The following PAN3 variants were observed in gnomAD, a reference collection of about 807,000 sequenced individuals.
PAN3 encodes poly(A) specific ribonuclease subunit PAN3.
Under a neutral mutation model 96.2 loss-of-function variants are expected in PAN3, and 19 were observed. That is an observed-to-expected ratio of 0.20 (90% CI 0.14 to 0.29). The LOEUF (loss-of-function observed/expected upper bound fraction) is 0.29. Ranked by LOEUF, PAN3 falls within the 10% of genes least tolerant of loss-of-function variation. The pLI is 1.00. For missense variants in PAN3, 882 were observed against 1,108.1 expected, an observed-to-expected ratio of 0.80 and a Z score of 2.90; for synonymous variants, 433 against 406.6, an observed-to-expected ratio of 1.06 and a Z score of -0.78.
chr13:28,192,153 TC>T (rs1877365585), intron 4 of PAN3, among the ~76,000 whole-genome samples: 1 of 150,402 alleles, frequency 6.6e-6, no homozygotes, highest in African/African-American at 2.4e-5. Context: ...CACTGCAGCC[TC>T]CGCCTCCTGG....
At chr13:28,202,014 A>G (rs1426326918) in intron 5 of PAN3, among the ~76,000 whole-genome samples, 1 of 152,056 alleles carries the variant, frequency 6.6e-6, no homozygotes, top group Non-Finnish European at 1.5e-5. Context: ...TCTGAGACTA[A>G]ATATTCCTTC....
chr13:28,138,427 G>C (rs962308816), upstream of PAN3: 17 of 291,994 alleles, frequency 5.8e-5, 1 homozygote, highest in Admixed American at 8.7e-4. Context: ...GAGAACGAGA[G>C]AGTGAGTGAG....
intron 8 of PAN3, 48 bp downstream of exon 8, chr13:28,260,599 T>C: frequency 1.4e-6 from 2 of 1,408,400 alleles, no homozygotes; most frequent in Non-Finnish European, 2.0e-6. Flanking sequence ...CTCCTGTGCT[T>C]TAGTGAACAG....
chr13:28,191,640 C>CTT (rs1877271639), intron 4 of PAN3, among the ~76,000 whole-genome samples: 1 of 152,164 alleles, frequency 6.6e-6, no homozygotes, highest in Non-Finnish European at 1.5e-5. Context: ...CACTTTTACT[C>CTT]CCTCTTCCCC....
intron 5 of PAN3, among the ~76,000 whole-genome samples, chr13:28,213,560 T>TA (rs1368891998): frequency 6.6e-6 from 1 of 152,144 alleles, no homozygotes; most frequent in African/African-American, 2.4e-5. Flanking sequence ...GTGGGCAGTT[T>TA]AGCTAAAATT....
At chr13:28,250,392 A>C (rs2138554166) in intron 6 of PAN3, among the ~76,000 whole-genome samples, 1 of 151,800 alleles carries the variant, frequency 6.6e-6, no homozygotes, top group African/African-American at 2.4e-5. Flanking sequence ...TTTGAGACGG[A>C]GTTTCACTCT....
intron 6 of PAN3, among the ~76,000 whole-genome samples, chr13:28,243,245 A>G (rs1883850573): frequency 6.6e-6 from 1 of 152,156 alleles, no homozygotes; most frequent in South Asian, 2.1e-4. Context: ...GATGATCTTC[A>G]CTCTGGAATC....
At chr13:28,248,053 G>GT (rs1355154927) in intron 6 of PAN3, among the ~76,000 whole-genome samples, 9 of 152,098 alleles carry the variant, frequency 5.9e-5, no homozygotes, top group African/African-American at 1.4e-4. Context: ...TCATGAGCAT[G>GT]GGATATGTTT....
intron 17 of PAN3, among the ~76,000 whole-genome samples, chr13:28,284,517 G>T (rs1868736866): frequency 6.6e-6 from 1 of 151,872 alleles, no homozygotes; most frequent in African/African-American, 2.4e-5. Context: ...AGATTATGAA[G>T]GAACTATTTC....
chr13:28,263,338 A>G (rs1037038557), intron 9 of PAN3, among the ~76,000 whole-genome samples: 17 of 152,210 alleles, frequency 1.1e-4, no homozygotes, highest in African/African-American at 3.6e-4. Context: ...TTAATTAAAA[A>G]AATAAACTTT....
Position 28,241,686 on chromosome 13 carries a change from G to A in PAN3, c.1001-14606G>A, listed in dbSNP as rs75843700. 9.5e-3 allele frequency among the ~76,000 whole-genome samples: 1,444 copies of A among 152,310 alleles called. 9 individuals carry two copies. The highest frequency in any genetic ancestry group is 0.014 in the Non-Finnish European group (957 of 68,016). ...CTTAGAATTTGGGGATATAAACACA[G>A]TGTCTGTGTTTTGGGCTATAAGTGT... On this transcript the variant is annotated intron_variant, in intron 6 of 18. Transcript: ENST00000380958.
At chr13:28,164,294 T>C (rs1238051381) in intron 1 of PAN3, among the ~76,000 whole-genome samples, 1 of 152,246 alleles carries the variant, frequency 6.6e-6, no homozygotes, top group Non-Finnish European at 1.5e-5. Flanking sequence ...TGGCATAATC[T>C]GCATCTTATA....
Position 28,143,379 on chromosome 13 carries a change from A to G in PAN3, c.430+4292A>G, listed in dbSNP as rs145035406. 6.8e-3 allele frequency among the ~76,000 whole-genome samples: 1,038 copies of G among 152,318 alleles called. 11 individuals are homozygous for G. Among genetic ancestry groups the G allele is most frequent in the African/African-American group, 0.024 (1,002 of 41,564 alleles). On this transcript the variant is annotated intron_variant, in intron 1 of 18. Transcript: ENST00000380958. Reference sequence around the variant, plus strand: ...GTAATTCTAATATTTTCAACTGGCTAGATTTTCAAAATGGCTTTAATCTTC... The same window carrying G: ...GTAATTCTAATATTTTCAACTGGCTGGATTTTCAAAATGGCTTTAATCTTC...
chr13:28,266,120 A>G (rs1357912573), intron 9 of PAN3, among the ~76,000 whole-genome samples: 2 of 152,170 alleles, frequency 1.3e-5, no homozygotes, highest in Non-Finnish European at 2.9e-5. Flanking sequence ...TTTGGCAAAT[A>G]CAAAATAGTG....
chr13:28,184,327 T>A (rs1394560539), intron 4 of PAN3, among the ~76,000 whole-genome samples: 1 of 151,486 alleles, frequency 6.6e-6, no homozygotes, highest in Non-Finnish European at 1.5e-5. Context: ...ACATCAACAG[T>A]TCTTTGGGAG....
At chr13:28,210,154 A>G (rs1237898956) in intron 5 of PAN3, among the ~76,000 whole-genome samples, 1 of 152,160 alleles carries the variant, frequency 6.6e-6, no homozygotes, top group Admixed American at 6.5e-5. Flanking sequence ...AGAGATGTTT[A>G]TAGTATTATC....
intron 6 of PAN3, among the ~76,000 whole-genome samples, chr13:28,221,469 G>A (rs1286879): frequency 2.6e-5 from 4 of 151,864 alleles, no homozygotes; most frequent in African/African-American, 4.8e-5. Context: ...TAAGTAAATC[G>A]TTGATTTAAA....
Position 28,200,559 on chromosome 13 carries a change from C to G in PAN3, c.852+3213C>G, listed in dbSNP as rs1028795792. On this transcript the variant is annotated intron_variant, in intron 5 of 18. Transcript: ENST00000380958. The stretch of plus-strand genomic sequence containing the variant: ...TTTCAAGAGGCTTATGATTCCCTAC[C>G]CTTTATTACTTAGTAATCTTTTAAC... Among the ~76,000 whole-genome samples, 7 of 152,278 alleles carry G rather than the reference C, an allele frequency of 4.6e-5. No homozygotes were observed. The East Asian group carries it at 1.2e-3, about 25-fold the overall frequency.
chr13:28,268,789 A>G (rs1886385178), intron 12 of PAN3, among the ~76,000 whole-genome samples: 1 of 152,090 alleles, frequency 6.6e-6, no homozygotes, highest in African/African-American at 2.4e-5. Flanking sequence ...ACAAAAATAT[A>G]TTACTTCTGT....
Sources: gnomAD v4.1 joint callset for allele counts (sites outside exome capture counted in the v4.1 genomes callset) on GRCh38, gnomAD v4.1.1 for gene constraint, MANE v1.5 for transcripts, NCBI Gene and HGNC (gene_info 2026-07-23, HGNC 2026-07-21) for gene names.